The following ARL15 variants were observed in gnomAD, a reference collection of about 807,000 sequenced individuals.
ARL15 encodes the protein ADP-ribosylation factor-like protein 15.
ARL15 carries 19 observed loss-of-function variants against 25.2 expected under a neutral mutation model. That is an observed-to-expected ratio of 0.75 (90% CI 0.53 to 1.10). ARL15 has a LOEUF of 1.10. ARL15 is among the 50% of genes least tolerant of loss of function. ARL15 has a pLI of 0.00. For missense variants in ARL15, 220 were observed against 246.0 expected (o/e 0.89, Z 0.71); for synonymous variants, 94 against 86.8 (o/e 1.08, Z -0.46).
chr5:53,900,203 T>C (rs942782650), intron 4 of ARL15, among the ~76,000 whole-genome samples: 1 of 152,192 alleles, frequency 6.6e-6, no homozygotes, highest in Non-Finnish European at 1.5e-5. Context: ...GTTTGGTTTC[T>C]AGGTAGTCTC....
At chr5:54,059,133 C>G (rs1750982228) in intron 4 of ARL15, among the ~76,000 whole-genome samples, 1 of 152,156 alleles carries the variant, frequency 6.6e-6, no homozygotes, top group Admixed American at 6.5e-5. Flanking sequence ...TTAATCTGTA[C>G]CCGCAAATTG....
intron 3 of ARL15, among the ~76,000 whole-genome samples, chr5:54,118,858 T>C (rs1048481310): frequency 1.3e-5 from 2 of 152,150 alleles, no homozygotes; most frequent in African/African-American, 4.8e-5. Flanking sequence ...AGGTAGGTGG[T>C]CCTCAGCCTA....
At chr5:54,286,792 C>T (rs947206250) in intron 1 of ARL15, among the ~76,000 whole-genome samples, 6 of 151,564 alleles carry the variant, frequency 4.0e-5, no homozygotes, top group Non-Finnish European at 8.8e-5. Flanking sequence ...GGATTTATTC[C>T]TTCACTTTTG....
chr5:54,245,256 CG>C (rs1210022302), intron 1 of ARL15, among the ~76,000 whole-genome samples: 1 of 152,082 alleles, frequency 6.6e-6, no homozygotes, highest in Non-Finnish European at 1.5e-5. Flanking sequence ...GCAGGAATTA[CG>C]AAAAAGAAAA....
chr5:54,062,245 T>C (rs560415986), intron 4 of ARL15, among the ~76,000 whole-genome samples: 4 of 152,316 alleles, frequency 2.6e-5, no homozygotes, highest in East Asian at 3.9e-4. Flanking sequence ...AATGAGGCTT[T>C]GGACAGTGGA....
chr5:54,211,005 G>C (rs537130569), intron 1 of ARL15, among the ~76,000 whole-genome samples: 1 of 152,244 alleles, frequency 6.6e-6, no homozygotes, highest in Admixed American at 6.5e-5. Flanking sequence ...TTAATAAGTA[G>C]TTTTTGCTTA....
chr5:54,052,092 T>C (rs564845587), intron 4 of ARL15, among the ~76,000 whole-genome samples: 139 of 152,240 alleles, frequency 9.1e-4, no homozygotes, highest in African/African-American at 3.2e-3. Context: ...AGCAAAAATA[T>C]AGCAGTCAAG....
intron 3 of ARL15, among the ~76,000 whole-genome samples, chr5:54,140,848 C>T (rs563063356): frequency 2.2e-4 from 34 of 152,216 alleles, no homozygotes; most frequent in Non-Finnish European, 4.1e-4. Context: ...TATTTCATTA[C>T]CCATACACAA....
chr5:54,201,465 A>G (rs532827719), intron 1 of ARL15, among the ~76,000 whole-genome samples: 1 of 152,220 alleles, frequency 6.6e-6, no homozygotes, highest in South Asian at 2.1e-4. Flanking sequence ...GAGCCTGGCT[A>G]AGTCAGTTCA....
chr5:54,015,728 G>A (rs1381410868), intron 4 of ARL15, among the ~76,000 whole-genome samples: 2 of 152,092 alleles, frequency 1.3e-5, no homozygotes, highest in Non-Finnish European at 2.9e-5. Context: ...GTATGGGTGT[G>A]TTGCTGGTGC....
intron 1 of ARL15, among the ~76,000 whole-genome samples, chr5:54,253,901 T>G (rs1269476639): frequency 6.6e-6 from 1 of 152,150 alleles, no homozygotes; most frequent in Non-Finnish European, 1.5e-5. Context: ...AGATGATACA[T>G]TATAAGTACC....
rs149001547 is a variant in ARL15, at chr5:53,912,847, C to A, written c.463-26134G>T. On this transcript the variant is annotated intron_variant, in intron 4 of 4. Coordinates refer to ENST00000504924, the MANE Select transcript of ARL15 (RefSeq NM_019087.3). Reference sequence around the variant, plus strand: ...TAGAGACTAAAGATAGAGCGGTGAACAAAGCTGAATAATCCCAAACTTCTA... The same window carrying A: ...TAGAGACTAAAGATAGAGCGGTGAAAAAAGCTGAATAATCCCAAACTTCTA... 3.6e-4 allele frequency among the ~76,000 whole-genome samples: 55 copies of A among 152,318 alleles called. 1 individual carries two copies. The East Asian group carries it at 9.6e-3, about 27-fold the overall frequency.
At chr5:54,303,228 C>G (rs564469763) in intron 1 of ARL15, among the ~76,000 whole-genome samples, 2 of 152,146 alleles carry the variant, frequency 1.3e-5, no homozygotes, top group Admixed American at 1.3e-4. Flanking sequence ...AGTACCTCTT[C>G]AAAAGAAATG....
At chr5:54,092,070 A>ACACACACACACACACACACACACAC (rs746618758) in intron 4 of ARL15, among the ~76,000 whole-genome samples, 8 of 151,576 alleles carry the variant, frequency 5.3e-5, no homozygotes, top group South Asian at 4.2e-4. Context: ...ACACACACAC[A>ACACACACACACACACACACACACAC]CACCACCACC....
At chr5:54,037,542 A>C (rs528937080) in intron 4 of ARL15, among the ~76,000 whole-genome samples, 2 of 152,138 alleles carry the variant, frequency 1.3e-5, no homozygotes, top group East Asian at 3.8e-4. Context: ...AGTTTACGTG[A>C]TGTCTAATGC....
chr5:54,172,348 C>T (rs1754745284), intron 1 of ARL15, among the ~76,000 whole-genome samples: 1 of 151,340 alleles, frequency 6.6e-6, no homozygotes, highest in Admixed American at 6.6e-5. Flanking sequence ...GGAACTGTTC[C>T]ATGTTAAAGA....
chr5:54,221,647 A>G (rs1048550452), intron 1 of ARL15, among the ~76,000 whole-genome samples: 2 of 152,096 alleles, frequency 1.3e-5, no homozygotes, highest in Non-Finnish European at 2.9e-5. Flanking sequence ...GTTGGCTCTG[A>G]GATAATATAT....
At chr5:54,283,088 T>C (rs918381313) in intron 1 of ARL15, among the ~76,000 whole-genome samples, 2 of 152,236 alleles carry the variant, frequency 1.3e-5, no homozygotes, top group African/African-American at 4.8e-5. Context: ...AGCTTCTCCC[T>C]AAAGTTTATA....
intron 4 of ARL15, among the ~76,000 whole-genome samples, chr5:53,976,351 A>T (rs1747922594): frequency 1.3e-5 from 2 of 152,238 alleles, no homozygotes. Context: ...CCACCCATTT[A>T]GGAAACTACA....
Sources: allele counts gnomAD v4.1 joint callset (sites outside exome capture counted in the v4.1 genomes callset), GRCh38; gene constraint gnomAD v4.1.1; transcripts MANE v1.5; gene names NCBI Gene and HGNC (gene_info 2026-07-23, HGNC 2026-07-21).